Variants in LPIN2 observed in about 807,000 individuals in gnomAD.
The protein encoded by LPIN2 is lipin 2, also known as phosphatidate phosphatase LPIN2.
Under a neutral mutation model 111.4 loss-of-function variants are expected in LPIN2, and 55 were observed. That is an observed-to-expected ratio of 0.49 (90% CI 0.40 to 0.62). LPIN2 has a LOEUF of 0.62. LPIN2 is among the 20% of genes least tolerant of loss of function. The pLI is 0.00. For missense variants in LPIN2, 992 were observed against 1,112.1 expected, an observed-to-expected ratio of 0.89 and a Z score of 1.54; for synonymous variants, 425 against 414.0, an observed-to-expected ratio of 1.03 and a Z score of -0.32.
At chr18:2,951,441 C>A in intron 3 of LPIN2, 85 bp from the exon 4 acceptor site, 1 of 1,099,684 alleles carries the variant, frequency 9.1e-7, no homozygotes. Context: ...TATAAATTTT[C>A]ACCATGGTAA....
At chr18:2,986,658 G>A (rs1210800609) in intron 1 of LPIN2, among the ~76,000 whole-genome samples, 2 of 151,814 alleles carry the variant, frequency 1.3e-5, no homozygotes, top group Non-Finnish European at 1.5e-5. Flanking sequence ...TGTACACATC[G>A]CAGTTTAAGG....
chr18:2,920,765 A>C lies in LPIN2; in HGVS notation c.2546+13T>G. ...CTGCAGGGCGCCGGGCTGAGAGCTG[A>C]GAATGTACTTACGATGACTTGTTTC... On this transcript the variant is annotated intron_variant, in intron 19 of 19. Coordinates refer to ENST00000677752, the MANE Select transcript of LPIN2 (RefSeq NM_001375808.2). 6.2e-7 allele frequency: 1 copy of C among 1,605,042 alleles called. No homozygotes were observed. The highest frequency in any genetic ancestry group is 8.5e-7 in the Non-Finnish European group (1 of 1,171,686).
rs971905765 is a variant in LPIN2, at chr18:2,919,737, G to C, written c.*556C>G. On this transcript the variant is annotated 3_prime_UTR_variant, in exon 20 of 20. Transcript: ENST00000677752. ...TCTGGTGCATGGGCCCTGCAGGGGC[G>C]GGGGTCCTGCCCAACTTGGCCCACT... 5.6e-6 allele frequency: 1 copy of C among 177,840 alleles called. No homozygotes were observed. The highest frequency in any genetic ancestry group is 1.2e-5 in the Non-Finnish European group (1 of 82,644). The allele number at this position is 177,840 out of a possible 1,614,324, so 11.0% of individuals were successfully genotyped here.
At chr18:2,940,963 C>G (rs2077359953) in intron 4 of LPIN2, among the ~76,000 whole-genome samples, 1 of 152,086 alleles carries the variant, frequency 6.6e-6, no homozygotes, top group Non-Finnish European at 1.5e-5. Context: ...TTTTTTCCAT[C>G]CCTTAAGGGT....
At chr18:2,922,253 A>G (rs2077066431) in intron 16 of LPIN2, 54 bp from the exon 17 acceptor site, 1 of 1,564,178 alleles carries the variant, frequency 6.4e-7, no homozygotes, top group Non-Finnish European at 8.7e-7. Flanking sequence ...GGAAAAGAAA[A>G]CAAAAAACAA....
rs2077028605 is a variant in LPIN2, at chr18:2,920,010, A to C, written c.*283T>G. 5.7e-6 allele frequency: 3 copies of C among 529,502 alleles called. No homozygotes were observed. The Admixed American group carries it at 9.4e-5, about 17-fold the overall frequency. 32.8% of individuals were successfully genotyped at this position (529,502 alleles called of 1,614,324 possible). On this transcript the variant is annotated 3_prime_UTR_variant, in exon 20 of 20. Transcript: ENST00000677752. ...TCCTTTAAAATGATGCAATGGAAGG[A>C]GGCCCCAGCTCACAGCAGGAAACAT...
chr18:3,007,020 ATTTG>A (rs1467000727), intron 1 of LPIN2, among the ~76,000 whole-genome samples: 5 of 151,490 alleles, frequency 3.3e-5, no homozygotes, highest in East Asian at 3.9e-4. Flanking sequence ...AAAAAACAGC[ATTTG>A]TTTAACATTT....
chr18:2,975,870 T>C (rs1454360935), intron 1 of LPIN2, among the ~76,000 whole-genome samples: 1 of 152,190 alleles, frequency 6.6e-6, no homozygotes, highest in Admixed American at 6.5e-5. Flanking sequence ...ATTTTCAGGG[T>C]TGACTATCAC....
intron 1 of LPIN2, among the ~76,000 whole-genome samples, chr18:2,986,446 T>C (rs2078186442): frequency 1.0e-5 from 1 of 97,134 alleles, no homozygotes; most frequent in Non-Finnish European, 2.2e-5. Flanking sequence ...ACGCCCAGCT[T>C]AAAGTGACTC....
chr18:2,986,547 TA>T (rs1555606339), intron 1 of LPIN2, among the ~76,000 whole-genome samples: 27 of 135,058 alleles, frequency 2.0e-4, no homozygotes, highest in African/African-American at 4.9e-4. Flanking sequence ...TTTTTTAATG[TA>T]AAAAAAAAAA....
intron 16 of LPIN2, 91 bp from the exon 17 acceptor site, chr18:2,922,290 T>G: frequency 6.9e-7 from 1 of 1,449,748 alleles, no homozygotes; most frequent in Non-Finnish European, 9.4e-7. Context: ...TTTTCTTTCT[T>G]TTTTTTTTGA....
At position 2,919,074 on chromosome 18, in the gene LPIN2, T is replaced by A. The variant is rs1328935881; in HGVS notation, c.*1219A>T. ...GAGCAGCTTATGGCACACCTTTCCCTGGTGCCATCTCTTCAGACACGATGT... is the reference window on the plus strand; with the variant it reads ...GAGCAGCTTATGGCACACCTTTCCCAGGTGCCATCTCTTCAGACACGATGT... On this transcript the variant is annotated 3_prime_UTR_variant, in exon 20 of 20. Transcript: ENST00000677752. 6.6e-6 allele frequency: 1 copy of A among 152,200 alleles called. No homozygotes were observed. Among genetic ancestry groups the A allele is most frequent in the Admixed American group, 6.5e-5 (1 of 15,272 alleles). The allele number at this position is 152,200 out of a possible 1,614,324, so 9.4% of individuals were successfully genotyped here.
intron 1 of LPIN2, among the ~76,000 whole-genome samples, chr18:2,985,644 A>C (rs183705443): frequency 6.6e-6 from 1 of 152,186 alleles, no homozygotes; most frequent in African/African-American, 2.4e-5. Context: ...TACTAATCCC[A>C]TAAGTATGTA....
chr18:2,929,909 TA>T (rs2077189260), intron 9 of LPIN2, among the ~76,000 whole-genome samples: 1 of 152,124 alleles, frequency 6.6e-6, no homozygotes, highest in South Asian at 2.1e-4. Context: ...GGCTCTGTCT[TA>T]AATAATAAAA....
intron 18 of LPIN2, 94 bp from the exon 19 acceptor site, chr18:2,920,975 G>A: frequency 2.3e-6 from 2 of 857,788 alleles, no homozygotes; most frequent in Non-Finnish European, 4.0e-6. Context: ...TGCACAGACA[G>A]ACTCGACAGA....
chr18:2,921,158 G>C, intron 18 of LPIN2: 8 of 559,476 alleles, frequency 1.4e-5, no homozygotes, highest in Non-Finnish European at 1.6e-5. Flanking sequence ...CCTGAGGCCC[G>C]ATGGCCCTGC....
At position 2,919,636 on chromosome 18, in the gene LPIN2, T is replaced by C. The variant is rs16944040; in HGVS notation, c.*657A>G. The C allele has an allele frequency of 6.4e-6, 1 of 155,744 alleles. No homozygotes were observed. 9.6% of individuals were successfully genotyped at this position (155,744 alleles called of 1,614,324 possible). On this transcript the variant is annotated 3_prime_UTR_variant, in exon 20 of 20. Coordinates refer to ENST00000677752, the MANE Select transcript of LPIN2 (RefSeq NM_001375808.2). ...AAGAAATTAAGGGCTCGTGGAGTTG[T>C]CACAGATGAGAGGAGGATGCTCTGT...
chr18:2,946,720 A>T (rs527265940), intron 4 of LPIN2: 6 of 585,110 alleles, frequency 1.0e-5, no homozygotes, highest in South Asian at 7.9e-5. Flanking sequence ...GTGCAACATG[A>T]ATTTTAAACT....
At chr18:2,985,836 A>T (rs1443810223) in intron 1 of LPIN2, among the ~76,000 whole-genome samples, 2 of 152,250 alleles carry the variant, frequency 1.3e-5, no homozygotes, top group Non-Finnish European at 2.9e-5. Flanking sequence ...CATACTATGG[A>T]AACACAACAC....
Sources: gnomAD v4.1 joint callset for allele counts (sites outside exome capture counted in the v4.1 genomes callset) on GRCh38, gnomAD v4.1.1 for gene constraint, MANE v1.5 for transcripts, NCBI Gene and HGNC (gene_info 2026-07-23, HGNC 2026-07-21) for gene names.